CCDC149: variants seen among roughly 807,000 people sequenced by gnomAD.
CCDC149 encodes coiled-coil domain-containing protein 149.
Under a neutral mutation model 59.9 loss-of-function variants are expected in CCDC149, and 45 were observed. That is an observed-to-expected ratio of 0.75 (90% CI 0.59 to 0.96). The LOEUF (loss-of-function observed/expected upper bound fraction) is 0.96, where lower values mean the gene tolerates loss of function less well. Among genes scored for constraint, CCDC149 ranks in the 40% least tolerant of loss-of-function variants. CCDC149 has a pLI of 0.00. For missense variants in CCDC149, 584 were observed against 664.7 expected (o/e 0.88, Z 1.33); for synonymous variants, 245 against 260.6 (o/e 0.94, Z 0.58).
At chr4:24,900,209 T>C (rs1721084217) in intron 1 of CCDC149, among the ~76,000 whole-genome samples, 2 of 152,216 alleles carry the variant, frequency 1.3e-5, no homozygotes, top group Non-Finnish European at 2.9e-5. Context: ...TTGCACATAG[T>C]AATGCTCACT....
At chr4:24,895,026 A>G (rs1232859971) in intron 1 of CCDC149, 2 of 1,536,128 alleles carry the variant, frequency 1.3e-6, no homozygotes, top group Middle Eastern at 1.7e-4. Flanking sequence ...GGCGATGATG[A>G]TGATGATGAC....
In CCDC149 at chr4:24,807,887, C is replaced by T. The variant is rs1401834889; in HGVS notation, c.*502G>A. 1.3e-5 allele frequency: 2 copies of T among 152,354 alleles called. No individual in the cohort carries two copies. Among genetic ancestry groups the T allele is most frequent in the African/African-American group, 2.4e-5 (1 of 41,434 alleles). 9.4% of individuals were successfully genotyped at this position (152,354 alleles called of 1,614,324 possible). On this transcript the variant is annotated 3_prime_UTR_variant, in exon 13 of 13. Coordinates refer to ENST00000635206, the MANE Select transcript of CCDC149 (RefSeq NM_001330643.2). ...ACCCATGCCAGGCAGTCCTCCTGGGCCCTGACTTGATGGGGTGCAGCCATG... is the reference window on the plus strand; with the variant it reads ...ACCCATGCCAGGCAGTCCTCCTGGGTCCTGACTTGATGGGGTGCAGCCATG...
chr4:24,903,817 T>G (rs1277364709), intron 1 of CCDC149, among the ~76,000 whole-genome samples: 1 of 106,620 alleles, frequency 9.4e-6, no homozygotes, highest in Admixed American at 9.4e-5. Context: ...TTTTTTTTTT[T>G]GAAACAGAGT....
intron 1 of CCDC149, among the ~76,000 whole-genome samples, chr4:24,973,535 C>A (rs758249052): frequency 9.2e-5 from 14 of 152,184 alleles, no homozygotes; most frequent in Non-Finnish European, 1.8e-4. Context: ...ATTAAGCATG[C>A]CTGAGGCTAC....
chr4:24,836,579 G>A lies in CCDC149; in HGVS notation c.663-71C>T, dbSNP rs1009269795. 49 of 1,046,640 alleles carry A rather than the reference G, an allele frequency of 4.7e-5. 1 individual carries two copies. In the South Asian group the frequency reaches 6.2e-4, roughly 13 times the overall value. The allele number at this position is 1,046,640 out of a possible 1,614,324, so 64.8% of individuals were successfully genotyped here. ...AAAAACACACACTGAAGTATAAGGG[G>A]AAAAAACAAAAACCACTTGCCAGAA... On this transcript the variant is annotated intron_variant, in intron 6 of 12. Coordinates refer to ENST00000635206, the MANE Select transcript of CCDC149 (RefSeq NM_001330643.2).
At chr4:24,815,758 C>A (rs1327911777) in intron 12 of CCDC149, among the ~76,000 whole-genome samples, 1 of 152,206 alleles carries the variant, frequency 6.6e-6, no homozygotes, top group African/African-American at 2.4e-5. Flanking sequence ...AGATGACATT[C>A]TGCTCATGTC....
intron 1 of CCDC149, among the ~76,000 whole-genome samples, chr4:24,885,968 T>G (rs1245396126): frequency 6.6e-6 from 1 of 152,230 alleles, no homozygotes; most frequent in Non-Finnish European, 1.5e-5. Context: ...TCCAAACTGC[T>G]AAATGTTCTA....
intron 1 of CCDC149, among the ~76,000 whole-genome samples, chr4:24,967,621 G>T (rs1358300453): frequency 6.6e-6 from 1 of 150,816 alleles, no homozygotes; most frequent in Admixed American, 6.6e-5. Flanking sequence ...TGTTGCTGCA[G>T]GGCTATGTGC....
intron 1 of CCDC149, among the ~76,000 whole-genome samples, chr4:24,969,006 G>A (rs1560272866): frequency 6.6e-6 from 1 of 152,230 alleles, no homozygotes; most frequent in Admixed American, 6.5e-5. Context: ...AATAGTTAGA[G>A]CTGGCACCTA....
chr4:24,882,450 G>C (rs1719905515), intron 1 of CCDC149, among the ~76,000 whole-genome samples: 1 of 152,202 alleles, frequency 6.6e-6, no homozygotes. Flanking sequence ...ACTGAGCTAA[G>C]TATTGGGACC....
intron 4 of CCDC149, among the ~76,000 whole-genome samples, chr4:24,846,886 T>C (rs984376791): frequency 6.6e-6 from 1 of 152,234 alleles, no homozygotes. Context: ...GTCCTCTGCA[T>C]GAAAGTACCA....
At chr4:24,965,497 G>A (rs1429960944) in intron 1 of CCDC149, among the ~76,000 whole-genome samples, 1 of 143,730 alleles carries the variant, frequency 7.0e-6, no homozygotes. Context: ...AAAATCTCTG[G>A]AAAATTCCCC....
chr4:24,963,252 G>C (rs1313978275), intron 1 of CCDC149, among the ~76,000 whole-genome samples: 1 of 152,018 alleles, frequency 6.6e-6, no homozygotes, highest in Non-Finnish European at 1.5e-5. Context: ...CAATTTCTCT[G>C]CCAAGGTAGG....
At chr4:24,964,192 TAAAAAA>T (rs377278394) in intron 1 of CCDC149, among the ~76,000 whole-genome samples, 10 of 119,194 alleles carry the variant, frequency 8.4e-5, no homozygotes, top group Non-Finnish European at 1.0e-4. Context: ...AGACCCTATC[TAAAAAA>T]AAAAAAAAAA....
upstream of CCDC149, among the ~76,000 whole-genome samples, chr4:24,915,466 G>A (rs1722097742): frequency 6.6e-6 from 1 of 152,198 alleles, no homozygotes; most frequent in Non-Finnish European, 1.5e-5. Flanking sequence ...TCAGGCAGCA[G>A]GACAGACAAT....
At chr4:24,868,490 T>G (rs1718832132) in intron 3 of CCDC149, among the ~76,000 whole-genome samples, 1 of 152,226 alleles carries the variant, frequency 6.6e-6, no homozygotes, top group Non-Finnish European at 1.5e-5. Flanking sequence ...ACTATATGTT[T>G]CTCTCCTTAG....
At chr4:24,978,308 A>C (rs1225562318) in intron 1 of CCDC149, among the ~76,000 whole-genome samples, 2 of 152,296 alleles carry the variant, frequency 1.3e-5, no homozygotes, top group East Asian at 3.9e-4. Flanking sequence ...ATATCCTATT[A>C]ATAATTTTTA....
At chr4:24,856,567 A>C (rs1718023942) in intron 3 of CCDC149, among the ~76,000 whole-genome samples, 1 of 152,208 alleles carries the variant, frequency 6.6e-6, no homozygotes, top group African/African-American at 2.4e-5. Context: ...CAGACAGGGG[A>C]AAAGGCAAAC....
intron 1 of CCDC149, among the ~76,000 whole-genome samples, chr4:24,971,702 A>G (rs373624143): frequency 6.6e-6 from 1 of 152,296 alleles, no homozygotes; most frequent in South Asian, 2.1e-4. Context: ...TCTAAAGTTA[A>G]CCTGAAAAAC....
Sources: allele counts gnomAD v4.1 joint callset (sites outside exome capture counted in the v4.1 genomes callset), GRCh38; gene constraint gnomAD v4.1.1; transcripts MANE v1.5; gene names NCBI Gene and HGNC (gene_info 2026-07-23, HGNC 2026-07-21).